Variants in PEX5L observed in about 807,000 individuals in gnomAD.
The protein encoded by PEX5L is peroxisomal biogenesis factor 5 like.
In PEX5L, 30 loss-of-function variants were observed where a neutral mutation model predicts 84.0. That is an observed-to-expected ratio of 0.36 (90% CI 0.27 to 0.48). The LOEUF is 0.48. Ranked by LOEUF, PEX5L falls within the 20% of genes least tolerant of loss-of-function variation. PEX5L has a pLI of 0.99. For missense variants in PEX5L, 533 were observed against 754.6 expected, an observed-to-expected ratio of 0.71 and a Z score of 3.44; for synonymous variants, 270 against 283.1, an observed-to-expected ratio of 0.95 and a Z score of 0.46.
At chr3:180,026,133 C>CTTTTTTTTT (rs368852075) in intron 1 of PEX5L, among the ~76,000 whole-genome samples, 22 of 101,730 alleles carry the variant, frequency 2.2e-4, no homozygotes, top group East Asian at 5.7e-4. Flanking sequence ...TTTCAGCATT[C>CTTTTTTTTT]TTTTTTTTTT....
At chr3:179,856,482 C>T (rs979963026) in intron 8 of PEX5L, among the ~76,000 whole-genome samples, 5 of 152,128 alleles carry the variant, frequency 3.3e-5, no homozygotes, top group South Asian at 4.1e-4. Context: ...TTTCAAGTTA[C>T]GTCTCTAGGA....
intron 4 of PEX5L, among the ~76,000 whole-genome samples, chr3:179,885,578 G>A (rs906600186): frequency 6.6e-5 from 10 of 151,892 alleles, no homozygotes; most frequent in Admixed American, 3.3e-4. Context: ...CCCAGGAGGC[G>A]GAGGTTGCAG....
chr3:179,998,696 G>T (rs991900023), intron 1 of PEX5L, among the ~76,000 whole-genome samples: 2 of 152,298 alleles, frequency 1.3e-5, no homozygotes, highest in East Asian at 3.9e-4. Flanking sequence ...GATAAAGTGG[G>T]CCATGGACAG....
intron 1 of PEX5L, among the ~76,000 whole-genome samples, chr3:179,974,686 T>G (rs898894846): frequency 3.9e-5 from 6 of 152,212 alleles, no homozygotes; most frequent in Non-Finnish European, 8.8e-5. Context: ...TAGTTCTTTG[T>G]TAATGCTGAT....
rs565289591 is a variant in PEX5L at position 179,930,232 on chromosome 3, G to A, written c.94-31986C>T. ...TAGGTCATAAAACTGTTTCTCTTTT[G>A]ATTTTTGTTTTCTGTTATCAACTGC... On this transcript the variant is annotated intron_variant, in intron 2 of 14. Coordinates refer to ENST00000467460, the MANE Select transcript of PEX5L (RefSeq NM_016559.3). 3.1e-3 allele frequency among the ~76,000 whole-genome samples: 453 copies of A among 147,434 alleles called. 2 individuals carry two copies. The highest frequency in any genetic ancestry group is 0.012 in the African/African-American group (440 of 37,018).
chr3:179,904,764 GCACTGTGTC>G (rs1762569450), intron 2 of PEX5L, among the ~76,000 whole-genome samples: 1 of 152,106 alleles, frequency 6.6e-6, no homozygotes, highest in Non-Finnish European at 1.5e-5. Flanking sequence ...TGGGCCCTAT[GCACTGTGTC>G]CACTGTGCCA....
chr3:179,995,485 C>A (rs1787804017), intron 1 of PEX5L, among the ~76,000 whole-genome samples: 1 of 151,980 alleles, frequency 6.6e-6, no homozygotes, highest in Admixed American at 6.6e-5. Flanking sequence ...GAGAGTTATG[C>A]AAAATAAATG....
chr3:179,808,893 T>A (rs1265572768), intron 12 of PEX5L, among the ~76,000 whole-genome samples: 1 of 151,038 alleles, frequency 6.6e-6, no homozygotes, highest in Non-Finnish European at 1.5e-5. Flanking sequence ...CTGGCTAAGG[T>A]GAAACCCCGT....
chr3:179,899,409 G>C (rs1397500173), intron 2 of PEX5L, among the ~76,000 whole-genome samples: 1 of 151,982 alleles, frequency 6.6e-6, no homozygotes, highest in Non-Finnish European at 1.5e-5. Context: ...ACCTATCACA[G>C]GCAGAGAAAC....
intron 2 of PEX5L, among the ~76,000 whole-genome samples, chr3:179,938,860 G>C (rs1444331381): frequency 6.6e-6 from 1 of 152,180 alleles, no homozygotes; most frequent in Non-Finnish European, 1.5e-5. Context: ...GTGCTGGATT[G>C]TCTTAAGCCA....
chr3:179,905,269 T>C (rs1762746572), intron 2 of PEX5L, among the ~76,000 whole-genome samples: 1 of 142,116 alleles, frequency 7.0e-6, no homozygotes, highest in South Asian at 2.5e-4. Flanking sequence ...GTTGAGTCAA[T>C]CTGTGTCCTT....
chr3:179,941,637 A>G (rs1446149395), intron 2 of PEX5L, among the ~76,000 whole-genome samples: 1 of 152,180 alleles, frequency 6.6e-6, no homozygotes, highest in Non-Finnish European at 1.5e-5. Flanking sequence ...TCCTACCCAC[A>G]ACATTGATTA....
At chr3:179,880,554 A>G (rs1396172229) in intron 4 of PEX5L, among the ~76,000 whole-genome samples, 1 of 152,228 alleles carries the variant, frequency 6.6e-6, no homozygotes, top group Non-Finnish European at 1.5e-5. Flanking sequence ...AATAAAGTAT[A>G]TGGGGTATAA....
chr3:179,839,006 CTG>C (rs1736033195), intron 8 of PEX5L, among the ~76,000 whole-genome samples: 1 of 151,396 alleles, frequency 6.6e-6, no homozygotes, highest in East Asian at 1.9e-4. Context: ...AATCCAGACT[CTG>C]ATAAAGAAAG....
chr3:179,819,260 G>A (rs551889846), intron 9 of PEX5L, among the ~76,000 whole-genome samples: 1 of 152,052 alleles, frequency 6.6e-6, no homozygotes, highest in Admixed American at 6.5e-5. Context: ...ATAAATCCTA[G>A]AGCAACTGGG....
At chr3:179,867,365 T>G (rs1001543616) in intron 7 of PEX5L, among the ~76,000 whole-genome samples, 1 of 152,140 alleles carries the variant, frequency 6.6e-6, no homozygotes, top group African/African-American at 2.4e-5. Flanking sequence ...TTTGTTAGGA[T>G]CCCTTATTTT....
intron 1 of PEX5L, among the ~76,000 whole-genome samples, chr3:179,997,252 T>C (rs1213982457): frequency 6.6e-6 from 1 of 152,192 alleles, no homozygotes. Context: ...TCTGAGCTGA[T>C]GTTGATTCCA....
At chr3:179,891,044 CTCAGA>C (rs1757467818) in intron 3 of PEX5L, among the ~76,000 whole-genome samples, 1 of 151,086 alleles carries the variant, frequency 6.6e-6, no homozygotes, top group South Asian at 2.1e-4. Flanking sequence ...CACTAGCACT[CTCAGA>C]TTTACTCAGC....
chr3:180,021,846 A>G (rs942114684), intron 1 of PEX5L, among the ~76,000 whole-genome samples: 1 of 152,210 alleles, frequency 6.6e-6, no homozygotes, highest in Non-Finnish European at 1.5e-5. Context: ...TTACTTTAAC[A>G]TTTCTTTATC....
Sources: allele counts gnomAD v4.1 joint callset (sites outside exome capture counted in the v4.1 genomes callset), GRCh38; gene constraint gnomAD v4.1.1; transcripts MANE v1.5; gene names NCBI Gene and HGNC (gene_info 2026-07-23, HGNC 2026-07-21).